Variants in CCNJ observed in about 807,000 individuals in gnomAD.
CCNJ encodes the protein cyclin-J.
Under a neutral mutation model 41.4 loss-of-function variants are expected in CCNJ, and 12 were observed. The ratio of observed to expected loss-of-function variants is 0.29; its 90% CI spans 0.19 to 0.47. The LOEUF is 0.47. Ranked by LOEUF, CCNJ falls within the 20% of genes least tolerant of loss-of-function variation. CCNJ has a pLI of 1.00. For synonymous variants in CCNJ, 161 were observed against 173.4 expected, an observed-to-expected ratio of 0.93 and a Z score of 0.56; for missense variants, 340 against 464.6, an observed-to-expected ratio of 0.73 and a Z score of 2.47.
chr10:96,057,361 G>A (rs2080722144), intron 5 of CCNJ, 114 bp downstream of exon 5: 1 of 884,836 alleles, frequency 1.1e-6, no homozygotes, highest in African/African-American at 1.7e-5. Context: ...TTTGCTTTTG[G>A]CAGCAGTTAC....
In CCNJ at chr10:96,044,478, G is replaced by GGCCT; in HGVS notation, c.69+21_69+24dup. 6.6e-7 allele frequency: 1 copy of GGCCT among 1,508,952 alleles called. No individual in the cohort carries two copies. Among genetic ancestry groups the GGCCT allele is most frequent in the African/African-American group, 1.4e-5 (1 of 71,234 alleles). The allele number at this position is 1,508,952 out of a possible 1,614,324, so 93.5% of individuals were successfully genotyped here. A position where few individuals can be genotyped will look rare whatever the true frequency, so the allele number is the denominator to read the frequency against. ...TCGCTACAAGGTAACTCCGAGGCCCGGCCTGCCTTCTCCTTCTGTGTGTCG... is the reference window on the plus strand; with the variant it reads ...TCGCTACAAGGTAACTCCGAGGCCCGGCCTGCCTGCCTTCTCCTTCTGTGTGTCG... On this transcript the variant is annotated intron_variant, in intron 2 of 5. Coordinates refer to ENST00000465148, the MANE Select transcript of CCNJ (RefSeq NM_001134375.2).
At chr10:96,051,678 T>A (rs1197599222) in intron 3 of CCNJ, among the ~76,000 whole-genome samples, 1 of 152,216 alleles carries the variant, frequency 6.6e-6, no homozygotes, top group Non-Finnish European at 1.5e-5. Flanking sequence ...TCTTTAGCAC[T>A]TCTGTGCCTG....
At chr10:96,054,176 T>C (rs189257519) in intron 3 of CCNJ, among the ~76,000 whole-genome samples, 5 of 152,364 alleles carry the variant, frequency 3.3e-5, no homozygotes, top group Admixed American at 1.3e-4. Context: ...GAAGCAGATA[T>C]GAATTTCCTG....
chr10:96,046,840 G>T (rs2080378204), intron 2 of CCNJ, among the ~76,000 whole-genome samples: 1 of 152,154 alleles, frequency 6.6e-6, no homozygotes. Flanking sequence ...ATTTTGCTGT[G>T]TATAGTTAGT....
chr10:96,058,357 G>C lies in CCNJ; in HGVS notation c.*116G>C, dbSNP rs1364663308. 1 of 796,448 alleles carries C rather than the reference G, an allele frequency of 1.3e-6. No homozygotes were observed. The highest frequency in any genetic ancestry group is 1.7e-5 in the African/African-American group (1 of 58,076). 49.3% of individuals were successfully genotyped at this position (796,448 alleles called of 1,614,324 possible). On this transcript the variant is annotated 3_prime_UTR_variant, in exon 6 of 6. Coordinates refer to ENST00000465148, the MANE Select transcript of CCNJ (RefSeq NM_001134375.2). ...ATCTAAATGACATCAGAACTCTTCAGGTACCAGCACCAGGAAGACTGAATA... is the reference window on the plus strand; with the variant it reads ...ATCTAAATGACATCAGAACTCTTCACGTACCAGCACCAGGAAGACTGAATA...
At position 96,058,331 on chromosome 10, in the gene CCNJ, G is replaced by A; in HGVS notation, c.*90G>A. On this transcript the variant is annotated 3_prime_UTR_variant, in exon 6 of 6. Coordinates refer to ENST00000465148, the MANE Select transcript of CCNJ (RefSeq NM_001134375.2). Reference sequence around the variant, plus strand: ...GTAAACTTCTGTTCAAAAGGAAAGGGATCTAAATGACATCAGAACTCTTCA... The same window carrying A: ...GTAAACTTCTGTTCAAAAGGAAAGGAATCTAAATGACATCAGAACTCTTCA... 9.2e-7 allele frequency: 1 copy of A among 1,092,622 alleles called. No homozygotes were observed. Among genetic ancestry groups the A allele is most frequent in the Non-Finnish European group, 1.3e-6 (1 of 749,368 alleles). The allele number at this position is 1,092,622 out of a possible 1,614,324, so 67.7% of individuals were successfully genotyped here. A position where few individuals can be genotyped will look rare whatever the true frequency, so the allele number is the denominator to read the frequency against.
At chr10:96,049,481 C>CTTTTTTTTTTTTTT (rs150769179) in intron 2 of CCNJ, among the ~76,000 whole-genome samples, 2 of 108,310 alleles carry the variant, frequency 1.8e-5, no homozygotes, top group African/African-American at 3.5e-5. Flanking sequence ...TTTTCTTTTT[C>CTTTTTTTTTTTTTT]TTTTTTTTTT....
chr10:96,059,891 T>G lies in CCNJ; in HGVS notation c.*1650T>G, dbSNP rs1322085191. On this transcript the variant is annotated 3_prime_UTR_variant, in exon 6 of 6. Transcript: ENST00000465148. ...GGTAGCTTCTGTCAGTATCAATGCT[T>G]AGAGAAATATCCTTTCCTTAAAAAG... The G allele has an allele frequency of 6.6e-6, 1 of 152,598 alleles. No homozygotes were observed. The highest frequency in any genetic ancestry group is 6.5e-5 in the Admixed American group (1 of 15,278). 9.5% of individuals were successfully genotyped at this position (152,598 alleles called of 1,614,324 possible).
intron 5 of CCNJ, 130 bp downstream of exon 5, chr10:96,057,377 G>T: frequency 1.3e-6 from 1 of 742,610 alleles, no homozygotes; most frequent in Non-Finnish European, 2.3e-6. Flanking sequence ...GTTACTTGCT[G>T]CCATGAGCAA....
chr10:96,043,550 G>A (rs981935131), upstream of CCNJ: 1 of 394,546 alleles, frequency 2.5e-6, no homozygotes, highest in Non-Finnish European at 4.5e-6. Context: ...CCCCCGCGCT[G>A]GCTTTGTATG....
chr10:96,057,923 G>C lies in CCNJ; in HGVS notation c.834G>C (p.Gln278His), dbSNP rs1478842375. ...TAAGTGTATTCCAGACAGCCTCCCAGCCATCACGGCCAGTTCACTTTCAGC... is the reference window on the plus strand; with the variant it reads ...TAAGTGTATTCCAGACAGCCTCCCACCCATCACGGCCAGTTCACTTTCAGC... ...AQLSVFQTAS[Q>H]PSRPVHFQQP... The change falls in exon 6 of 6, where the codon CAG (glutamine) becomes CAC (histidine). Residue 278 changes from glutamine (Q) to histidine (H), a missense_variant. By Grantham distance (24) the Gln-to-His change is conservative. Around this residue, in one of 3 missense-constraint regions of CCNJ, gnomAD observed 159 missense variants for 168.2 expected, o/e 0.95. Coordinates refer to ENST00000465148, the MANE Select transcript of CCNJ (RefSeq NM_001134375.2). The C allele has an allele frequency of 1.2e-6, 2 of 1,614,188 alleles. No homozygotes were observed. The highest frequency in any genetic ancestry group is 1.7e-5 in the Admixed American group (1 of 60,030).
At chr10:96,049,015 C>T (rs993921243) in intron 2 of CCNJ, among the ~76,000 whole-genome samples, 1 of 152,200 alleles carries the variant, frequency 6.6e-6, no homozygotes. Context: ...GTAACAACTA[C>T]ATCATTTTAC....
At chr10:96,043,789 G>A (rs971407005) in intron 1 of CCNJ, 70 bp downstream of exon 1, 1 of 386,172 alleles carries the variant, frequency 2.6e-6, no homozygotes, top group African/African-American at 2.1e-5. Flanking sequence ...GGACCCTCCC[G>A]GGGTGAGGCG....
At position 96,056,940 on chromosome 10, in the gene CCNJ, G is replaced by A; in HGVS notation, c.520G>A (p.Glu174Lys). ...TGACGGCTGGCCAATGATTTGCTTGGAAAAGACTAAACTCTACATGGCCAA... is the reference window on the plus strand; with the variant it reads ...TGACGGCTGGCCAATGATTTGCTTGAAAAAGACTAAACTCTACATGGCCAA... ...LHDGWPMICLEKTKLYMAKYA... is the reference protein window; with the variant it reads ...LHDGWPMICLKKTKLYMAKYA... The change falls in exon 4 of 6, where the codon GAA becomes AAA. Residue 174 changes from glutamate to lysine, a missense_variant. This residue lies in a region of CCNJ where 137 missense variants were observed against 252.9 expected (regional missense o/e 0.54). Coordinates refer to ENST00000465148, the MANE Select transcript of CCNJ (RefSeq NM_001134375.2). The A allele has an allele frequency of 6.2e-7, 1 of 1,614,120 alleles. No individual in the cohort carries two copies. Among genetic ancestry groups the A allele is most frequent in the South Asian group, 1.1e-5 (1 of 91,078 alleles).
intron 3 of CCNJ, among the ~76,000 whole-genome samples, chr10:96,052,825 T>C (rs953292921): frequency 5.3e-5 from 8 of 152,176 alleles, no homozygotes; most frequent in African/African-American, 1.7e-4. Flanking sequence ...TCCTTTTGCA[T>C]TGGAGAGTAG....
At chr10:96,052,544 T>C (rs750337844) in intron 3 of CCNJ, among the ~76,000 whole-genome samples, 3 of 152,214 alleles carry the variant, frequency 2.0e-5, no homozygotes, top group Non-Finnish European at 4.4e-5. Flanking sequence ...TTGGTTGGAA[T>C]GGAGTTTTCA....
intron 2 of CCNJ, among the ~76,000 whole-genome samples, chr10:96,047,760 G>A (rs2080404439): frequency 6.6e-6 from 1 of 152,156 alleles, no homozygotes; most frequent in African/African-American, 2.4e-5. Context: ...ATCGTAAAAT[G>A]TATCAACATA....
At chr10:96,047,144 T>C (rs764449558) in intron 2 of CCNJ, among the ~76,000 whole-genome samples, 24 of 152,188 alleles carry the variant, frequency 1.6e-4, no homozygotes, top group Non-Finnish European at 2.5e-4. Flanking sequence ...CTGCTAGAGA[T>C]AGGCTTGAGA....
intron 5 of CCNJ, 63 bp from the exon 6 acceptor site, chr10:96,057,767 A>G: frequency 6.6e-7 from 1 of 1,508,080 alleles, no homozygotes; most frequent in Non-Finnish European, 9.0e-7. Context: ...ATGGGGCATG[A>G]TTTTCTTGCA....
Sources: gnomAD v4.1 joint callset for allele counts (sites outside exome capture counted in the v4.1 genomes callset) on GRCh38, gnomAD v4.1.1 for gene constraint, gnomAD v4.1.1 regional missense constraint, MANE v1.5 for transcripts, NCBI Gene and HGNC (gene_info 2026-07-23, HGNC 2026-07-21) for gene names.